EHMT1: variants seen among roughly 807,000 people sequenced by gnomAD.
EHMT1 encodes the protein euchromatic histone lysine methyltransferase 1.
A neutral mutation model predicts 147.2 loss-of-function variants in EHMT1; 15 were observed. The observed-to-expected ratio is 0.10, with a 90% confidence interval of 0.07 to 0.16. EHMT1 has a LOEUF of 0.16. Ranked by LOEUF, EHMT1 falls within the 10% of genes least tolerant of loss-of-function variation. The pLI is 1.00. For missense variants in EHMT1, 1,587 were observed against 1,772.4 expected (o/e 0.90, Z 1.88); for synonymous variants, 795 against 709.6 (o/e 1.12, Z -1.91).
intron 6 of EHMT1, among the ~76,000 whole-genome samples, chr9:137,749,580 A>G (rs1317152380): frequency 6.6e-6 from 1 of 152,118 alleles, no homozygotes; most frequent in Admixed American, 6.6e-5. Flanking sequence ...GATTCTAGGT[A>G]TGAGCCATGG....
intron 25 of EHMT1, among the ~76,000 whole-genome samples, chr9:137,830,100 C>CTTT (rs899678086): frequency 7.2e-6 from 1 of 139,350 alleles, no homozygotes; most frequent in African/African-American, 3.0e-5. Flanking sequence ...TGGATTTTTA[C>CTTT]TTTTTTTTTT....
At position 137,813,473 on chromosome 9, in the gene EHMT1, C is replaced by T. The variant is rs141527497; in HGVS notation, c.3123C>T (p.Val1041=). 1.8e-4 allele frequency: 296 copies of T among 1,613,976 alleles called. No homozygotes were observed. Among genetic ancestry groups the T allele is most frequent in the Non-Finnish European group, 2.5e-4 (290 of 1,180,030 alleles). Residue 1041 remains valine, a synonymous_variant, in exon 21 of 27, where the codon GTC becomes GTT. Transcript: ENST00000460843. The surrounding 1 kb of genome is among the most constrained non-coding windows in gnomAD (Gnocchi z 4.9). ...SEPCPSNYKY[V]SQNCVTSPMN... is the part of the protein sequence containing the mutation. ...CATGCCCCAGCAACTACAAGTACGT[C>T]TCTCAGAACTGCGTGACGTCCCCCA...
At chr9:137,793,805 C>T (rs1477953932) in intron 16 of EHMT1, among the ~76,000 whole-genome samples, 2 of 152,142 alleles carry the variant, frequency 1.3e-5, no homozygotes, top group Admixed American at 6.5e-5. Flanking sequence ...AAATCCTGTA[C>T]GATGTGACCG....
intron 1 of EHMT1, among the ~76,000 whole-genome samples, chr9:137,659,556 A>T (rs1173535561): frequency 6.4e-5 from 9 of 140,874 alleles, no homozygotes; most frequent in Non-Finnish European, 7.8e-5. Flanking sequence ...CCTTTAAAAA[A>T]TTTTTTTTTT....
chr9:137,719,570 A>G (rs1363552757), intron 3 of EHMT1, among the ~76,000 whole-genome samples: 2 of 152,236 alleles, frequency 1.3e-5, no homozygotes, highest in African/African-American at 4.8e-5. Flanking sequence ...TACATGGCAA[A>G]GCTTTAGAAA....
intron 3 of EHMT1, among the ~76,000 whole-genome samples, chr9:137,725,788 C>T (rs955028907): frequency 2.0e-5 from 3 of 152,110 alleles, no homozygotes; most frequent in Admixed American, 6.5e-5. Flanking sequence ...ACCGTGAGGC[C>T]GTGAGAGCCA....
chr9:137,665,201 T>C (rs1939500467), intron 1 of EHMT1, among the ~76,000 whole-genome samples: 1 of 152,228 alleles, frequency 6.6e-6, no homozygotes, highest in African/African-American at 2.4e-5. Context: ...CCTATTTTTA[T>C]AGAAAAAGGA....
At chr9:137,725,260 C>T (rs112941680) in intron 3 of EHMT1, among the ~76,000 whole-genome samples, 1 of 131,812 alleles carries the variant, frequency 7.6e-6, no homozygotes, top group African/African-American at 2.8e-5. Flanking sequence ...GACATGTGGC[C>T]TTCGTGTGGC....
intron 16 of EHMT1, among the ~76,000 whole-genome samples, chr9:137,793,222 G>A (rs1379065749): frequency 3.3e-5 from 5 of 152,298 alleles, no homozygotes; most frequent in Non-Finnish European, 5.9e-5. Flanking sequence ...TATATAAAGA[G>A]GTTGTACATC....
intron 1 of EHMT1, among the ~76,000 whole-genome samples, chr9:137,704,253 A>G (rs1424386365): frequency 6.6e-6 from 1 of 152,226 alleles, no homozygotes; most frequent in African/African-American, 2.4e-5. Context: ...GTCTGTAAAC[A>G]GTGAGGTTAT....
Position 137,744,032 on chromosome 9 carries a change from C to T in EHMT1, c.1112C>T (p.Pro371Leu), listed in dbSNP as rs1564677139. The change falls in exon 6 of 27, where the codon CCC (proline) becomes CTC (leucine). Residue 371 changes from proline to leucine, a missense_variant. By Grantham distance (98) the Pro-to-Leu change is moderately conservative (BLOSUM62 -3). This residue lies in a region of EHMT1 where 810 missense variants were observed against 673.0 expected (regional missense o/e 1.20). Transcript: ENST00000460843. ...GGTGCAGAGCAGGCGGCCGCGTTCC[C>T]CACAGAGGACAGCAGGACTTCCAAG... The part of the protein sequence containing the change: ...GHGAEQAAAF[P>L]TEDSRTSKES... 1 of 1,614,108 alleles carries T rather than the reference C, an allele frequency of 6.2e-7. No homozygotes were observed. Among genetic ancestry groups the T allele is most frequent in the Non-Finnish European group, 8.5e-7 (1 of 1,180,010 alleles).
rs761307506 is a variant in EHMT1 at position 137,813,542 on chromosome 9, C to T, written c.3180+12C>T. 1 of 1,613,516 alleles carries T rather than the reference C, an allele frequency of 6.2e-7. No individual in the cohort carries two copies. Among genetic ancestry groups the T allele is most frequent in the South Asian group, 1.1e-5 (1 of 91,016 alleles). ...TCACTCATCTGCAGGTGAGTGACGG[C>T]AGATGAAGGGCTGACTCAGGCCAGG... On this transcript the variant is annotated intron_variant, in intron 21 of 26. Coordinates refer to ENST00000460843, the MANE Select transcript of EHMT1 (RefSeq NM_024757.5). The surrounding 1 kb of genome is among the most constrained non-coding windows in gnomAD (Gnocchi z 4.9).
chr9:137,721,609 A>G (rs998111274), intron 3 of EHMT1, among the ~76,000 whole-genome samples: 2 of 114,486 alleles, frequency 1.7e-5, no homozygotes, highest in African/African-American at 7.0e-5. Flanking sequence ...ACCCTCTCCT[A>G]CATCTCTCAC....
At chr9:137,619,205 AGGCCGAGGCCG>A (rs1004622334) in intron 1 of EHMT1, among the ~76,000 whole-genome samples, 156 bp downstream of exon 1, 12 of 134,384 alleles carry the variant, frequency 8.9e-5, no homozygotes, top group East Asian at 5.0e-4. Flanking sequence ...CCGCCGCCTC[AGGCCGAGGCCG>A]GGCCGAGGCC....
At chr9:137,760,245 C>T (rs753569925) in intron 9 of EHMT1, among the ~76,000 whole-genome samples, 25 of 152,174 alleles carry the variant, frequency 1.6e-4, no homozygotes, top group Non-Finnish European at 3.2e-4. Context: ...TCCACCTCCA[C>T]GGAGGTGTCT....
chr9:137,687,590 AG>A (rs1942571754), intron 1 of EHMT1, among the ~76,000 whole-genome samples: 1 of 152,034 alleles, frequency 6.6e-6, no homozygotes, highest in South Asian at 2.1e-4. Flanking sequence ...GGCTTTTGGG[AG>A]GTGCTTTTGT....
rs866942404 is a variant in EHMT1 at position 137,781,161 on chromosome 9, A to G, written c.2276-1130A>G. On this transcript the variant is annotated intron_variant, in intron 14 of 26. Coordinates refer to ENST00000460843, the MANE Select transcript of EHMT1 (RefSeq NM_024757.5). Reference sequence around the variant, plus strand: ...ACTGAGACGTGTGGTGATGACGCTGAGACGTGTGGTGATGACGCTGGGACG... The same window carrying G: ...ACTGAGACGTGTGGTGATGACGCTGGGACGTGTGGTGATGACGCTGGGACG... Among the ~76,000 whole-genome samples the G allele has an allele frequency of 8.6e-4, 42 of 48,656 alleles. 4 individuals are homozygous for G. The highest frequency in any genetic ancestry group is 0.013 in the Middle Eastern group (1 of 78). 31.9% of individuals were successfully genotyped at this position (48,656 alleles called of 152,430 possible). A position where few individuals can be genotyped will look rare whatever the true frequency, so the allele number is the denominator to read the frequency against.
rs147648583 is a variant in EHMT1 at position 137,716,869 on chromosome 9, C to T, written c.329C>T (p.Thr110Ile). The T allele has an allele frequency of 6.2e-7, 1 of 1,613,308 alleles. No individual in the cohort carries two copies. The highest frequency in any genetic ancestry group is 8.5e-7 in the Non-Finnish European group (1 of 1,179,914). ...DSEAAKQNHV[T>I]ADDFVQTSVI... ...GAAGCGGCGAAGCAAAACCACGTCA[C>T]TGCCGACGACTTTGTGCAGACTTCT... Residue 110 changes from threonine to isoleucine, a missense_variant, in exon 3 of 27, where the codon ACT (threonine) becomes ATT (isoleucine). By Grantham distance (89) the Thr-to-Ile change is moderately conservative. Around this residue, in one of 7 missense-constraint regions of EHMT1, gnomAD observed 810 missense variants for 673.0 expected, o/e 1.20. Transcript: ENST00000460843.
At chr9:137,768,772 G>A (rs954089755) in intron 10 of EHMT1, among the ~76,000 whole-genome samples, 2 of 151,286 alleles carry the variant, frequency 1.3e-5, no homozygotes, top group South Asian at 4.2e-4. Context: ...GGATGGTCTC[G>A]ATCTCCTGAC....
Sources: gnomAD v4.1 joint callset for allele counts (sites outside exome capture counted in the v4.1 genomes callset) on GRCh38, gnomAD v4.1.1 for gene constraint, gnomAD v4.1.1 regional missense constraint, Gnocchi (gnomAD v3.1) non-coding constraint, MANE v1.5 for transcripts, NCBI Gene and HGNC (gene_info 2026-07-23, HGNC 2026-07-21) for gene names.